Variants in TENT5D observed in about 807,000 individuals in gnomAD.
The protein encoded by TENT5D is terminal nucleotidyltransferase 5D.
For missense variants in TENT5D, 191 were observed against 287.0 expected (o/e 0.67, Z 2.42); for synonymous variants, 103 against 100.6 (o/e 1.02, Z -0.15).
intron 1 of TENT5D, among the ~76,000 whole-genome samples, chrX:80,427,282 CA>C (rs1932004891): frequency 9.1e-6 from 1 of 109,955 alleles, no homozygotes; most frequent in African/African-American, 3.3e-5. Flanking sequence ...TAATTAGAGG[CA>C]TATGGTTACT....
intron 3 of TENT5D, among the ~76,000 whole-genome samples, chrX:80,409,612 G>A (rs1050565654): frequency 4.9e-4 from 55 of 111,198 alleles, no homozygotes; most frequent in Non-Finnish European, 9.4e-4. Flanking sequence ...CAAACAAATG[G>A]AAGAACATTC....
At chrX:80,387,097 A>G (rs1406739193) in intron 3 of TENT5D, among the ~76,000 whole-genome samples, 1 of 112,340 alleles carries the variant, frequency 8.9e-6, no homozygotes, top group Admixed American at 9.5e-5. Flanking sequence ...TTGTTAAATA[A>G]CTAAGCATAG....
rs1227223905 is a variant in TENT5D at position 80,389,927 on chromosome X, TGATGAAAATGATACAGTAGAGTGGGAAAG to T, written c.-142+47371_-142+47399del. The stretch of plus-strand genomic sequence containing the variant: ...AAGAAATAACAGGAAGATTCTGTTT[TGATGAAAATGATACAGTAGAGTGGGAAAG>T]GATGAAACTTCAGGAGAGAGGAGGG... On this transcript the variant is annotated intron_variant, in intron 3 of 4. Transcript: ENST00000538312. Among the ~76,000 whole-genome samples, 4 of 111,830 alleles carry T rather than the reference TGATGAAAATGATACAGTAGAGTGGGAAAG, an allele frequency of 3.6e-5. No homozygotes were observed. In the South Asian group the frequency reaches 1.5e-3, roughly 42 times the overall value.
intron 1 of TENT5D, among the ~76,000 whole-genome samples, chrX:80,423,936 C>A (rs768604302): frequency 1.8e-5 from 2 of 111,309 alleles, no homozygotes; most frequent in Non-Finnish European, 3.8e-5. Flanking sequence ...TGCAAGTTTT[C>A]TTATCTGTGC....
chrX:80,352,808 G>T (rs925566068), intron 3 of TENT5D, among the ~76,000 whole-genome samples: 10 of 110,117 alleles, frequency 9.1e-5, no homozygotes, highest in Non-Finnish European at 1.9e-4. Context: ...GAAACCCAGG[G>T]CTCTGATGGT....
At chrX:80,383,820 C>G (rs1930929296) in intron 3 of TENT5D, among the ~76,000 whole-genome samples, 1 of 110,840 alleles carries the variant, frequency 9.0e-6, no homozygotes, top group Admixed American at 9.6e-5. Flanking sequence ...TGTGCCACGG[C>G]ACTCTAGCCT....
intron 1 of TENT5D, among the ~76,000 whole-genome samples, chrX:80,436,863 A>G (rs1482317120): frequency 1.8e-5 from 2 of 112,011 alleles, no homozygotes; most frequent in African/African-American, 6.5e-5. Context: ...AGGCAACTAA[A>G]GCACTAGGGC....
At chrX:80,378,925 A>C (rs1473687416) in intron 3 of TENT5D, among the ~76,000 whole-genome samples, 1 of 109,610 alleles carries the variant, frequency 9.1e-6, no homozygotes, top group Admixed American at 9.8e-5. Context: ...TGGTGAGAGA[A>C]GGCATCCCAG....
At chrX:80,397,530 T>C (rs1486184087) in intron 3 of TENT5D, among the ~76,000 whole-genome samples, 3 of 108,946 alleles carry the variant, frequency 2.8e-5, no homozygotes, top group Admixed American at 9.6e-5. Context: ...GACGGGGTGG[T>C]GGCCGGGCAG....
At chrX:80,405,666 G>A (rs776674566) in intron 3 of TENT5D, among the ~76,000 whole-genome samples, 2,291 of 111,321 alleles carry the variant, frequency 0.021, 23 homozygotes, top group Middle Eastern at 0.042. Flanking sequence ...AGGCGGCAGC[G>A]AGGCTGGAGG....
At chrX:80,385,341 A>G (rs1193733573) in intron 3 of TENT5D, among the ~76,000 whole-genome samples, 2 of 110,707 alleles carry the variant, frequency 1.8e-5, no homozygotes, top group African/African-American at 6.5e-5. Flanking sequence ...CCATTTAATA[A>G]ATGGTGCAGG....
chrX:80,379,567 G>C (rs1223175475), intron 3 of TENT5D, among the ~76,000 whole-genome samples: 4 of 110,803 alleles, frequency 3.6e-5, no homozygotes, highest in African/African-American at 9.8e-5. Flanking sequence ...GGTAGAATTC[G>C]GCTGTGAATC....
At position 80,436,542 on chromosome X, in the gene TENT5D, G is replaced by GC. The variant is rs755403452; in HGVS notation, c.-141-2062dup. On this transcript the variant is annotated intron_variant, in intron 1 of 2. Coordinates refer to ENST00000308293, the Ensembl canonical transcript of TENT5D. Reference sequence around the variant, plus strand: ...TTCTCCTAATGCTATTCCTCCCCTAGCCCCCCAACCCCGATAGGTCCCGGT... The same window carrying GC: ...TTCTCCTAATGCTATTCCTCCCCTAGCCCCCCCAACCCCGATAGGTCCCGGT... Among the ~76,000 whole-genome samples, 17 of 109,609 alleles carry GC rather than the reference G, an allele frequency of 1.6e-4. No homozygotes were observed. In the East Asian group the frequency reaches 4.9e-3, roughly 32 times the overall value.
chrX:80,387,367 T>C (rs1351284193), intron 3 of TENT5D, among the ~76,000 whole-genome samples: 1 of 112,019 alleles, frequency 8.9e-6, no homozygotes, highest in Non-Finnish European at 1.9e-5. Context: ...CATTTGTATC[T>C]ATCCTCCATG....
At chrX:80,405,278 G>C (rs1362486075) in intron 3 of TENT5D, among the ~76,000 whole-genome samples, 2 of 112,477 alleles carry the variant, frequency 1.8e-5, no homozygotes, top group African/African-American at 6.5e-5. Flanking sequence ...GAACAGCTCC[G>C]GTCTACAGCT....
chrX:80,349,032 C>T (rs1367085538), intron 3 of TENT5D, among the ~76,000 whole-genome samples: 1 of 111,890 alleles, frequency 8.9e-6, no homozygotes, highest in Non-Finnish European at 1.9e-5. Flanking sequence ...GATGGATAAG[C>T]TTTTTGATGT....
intron 1 of TENT5D, among the ~76,000 whole-genome samples, chrX:80,437,504 A>G (rs997708653): frequency 9.0e-6 from 1 of 111,701 alleles, no homozygotes; most frequent in South Asian, 3.7e-4. Flanking sequence ...TATTCAGGGT[A>G]TTCTACGATC....
intron 3 of TENT5D, among the ~76,000 whole-genome samples, chrX:80,391,825 A>G (rs1306857511): frequency 8.9e-6 from 1 of 112,703 alleles, no homozygotes; most frequent in African/African-American, 3.2e-5. Flanking sequence ...TGTATTTGGG[A>G]TAATCGTAGA....
At position 80,375,394 on chromosome X, in the gene TENT5D, A is replaced by G. The variant is rs188297289; in HGVS notation, c.-142+32830A>G. On this transcript the variant is annotated intron_variant, in intron 3 of 4. Transcript: ENST00000538312. ...GCTTGTAAATTCTTAGTAGGCAAGG[A>G]CAGTGCCTTATTTTTTTGTGGTCCC... Among the ~76,000 whole-genome samples, 699 of 111,100 alleles carry G rather than the reference A, an allele frequency of 6.3e-3. 20 individuals carry two copies. Among genetic ancestry groups the G allele is most frequent in the Admixed American group, 0.056 (575 of 10,295 alleles).
Sources: gnomAD v4.1 joint callset for allele counts (sites outside exome capture counted in the v4.1 genomes callset) on GRCh38, gnomAD v4.1.1 for gene constraint, MANE v1.5 for transcripts, NCBI Gene and HGNC (gene_info 2026-07-23, HGNC 2026-07-21) for gene names.